The following THSD4 variants were observed in gnomAD, a reference collection of about 807,000 sequenced individuals.
THSD4 encodes the protein thrombospondin type-1 domain-containing protein 4.
A neutral mutation model predicts 119.0 loss-of-function variants in THSD4; 69 were observed. The ratio of observed to expected loss-of-function variants is 0.58; its 90% CI spans 0.48 to 0.71. THSD4 has a LOEUF of 0.71. Ranked by LOEUF, THSD4 falls within the 30% of genes least tolerant of loss-of-function variation. THSD4 has a pLI of 0.00. For missense variants in THSD4, 1,393 were observed against 1,391.1 expected (o/e 1.00, Z -0.02); for synonymous variants, 524 against 540.4 (o/e 0.97, Z 0.42).
intron 11 of THSD4, among the ~76,000 whole-genome samples, chr15:71,739,612 T>G (rs2053196285): frequency 1.3e-5 from 2 of 152,324 alleles, no homozygotes; most frequent in South Asian, 2.1e-4. Context: ...GATACACCTA[T>G]GAACTGTGTA....
At chr15:71,686,199 C>T (rs2051905661) in intron 8 of THSD4, among the ~76,000 whole-genome samples, 1 of 152,206 alleles carries the variant, frequency 6.6e-6, no homozygotes, top group Non-Finnish European at 1.5e-5. Context: ...CTTTCTTCAT[C>T]TTCCAAAACT....
intron 6 of THSD4, among the ~76,000 whole-genome samples, chr15:71,362,722 G>A (rs977657376): frequency 2.6e-5 from 4 of 152,020 alleles, no homozygotes; most frequent in Non-Finnish European, 5.9e-5. Flanking sequence ...AGTTACTGCC[G>A]ACAGTGAGTT....
chr15:71,567,048 G>A (rs1015517657), intron 7 of THSD4, among the ~76,000 whole-genome samples: 3 of 152,104 alleles, frequency 2.0e-5, no homozygotes, highest in Non-Finnish European at 4.4e-5. Context: ...GCCCAACTTC[G>A]CATAGCAACG....
At chr15:71,773,514 C>T (rs1001856553) in intron 17 of THSD4, among the ~76,000 whole-genome samples, 1 of 152,150 alleles carries the variant, frequency 6.6e-6, no homozygotes, top group Non-Finnish European at 1.5e-5. Context: ...TGTCTAACTT[C>T]TAATTATATA....
At chr15:71,353,019 G>C (rs1052305658) in intron 6 of THSD4, among the ~76,000 whole-genome samples, 1 of 152,164 alleles carries the variant, frequency 6.6e-6, no homozygotes, top group African/African-American at 2.4e-5. Flanking sequence ...GGCTATAAAG[G>C]CTTTCCAAGG....
At chr15:71,496,696 A>G (rs1052534577) in intron 7 of THSD4, among the ~76,000 whole-genome samples, 6 of 152,244 alleles carry the variant, frequency 3.9e-5, no homozygotes, top group Admixed American at 6.5e-5. Flanking sequence ...AACTATAGCC[A>G]TCTAACCAGG....
chr15:71,483,891 T>A (rs1454477074), intron 7 of THSD4, among the ~76,000 whole-genome samples: 3 of 152,158 alleles, frequency 2.0e-5, no homozygotes, highest in Non-Finnish European at 2.9e-5. Context: ...GATAATGGCC[T>A]CCAGCTCCAT....
chr15:71,300,555 C>T (rs2044934530), intron 6 of THSD4, among the ~76,000 whole-genome samples: 3 of 152,202 alleles, frequency 2.0e-5, no homozygotes, highest in South Asian at 4.1e-4. Context: ...TCACTTTTCT[C>T]ACTAAATTCC....
chr15:71,198,980 CT>C (rs1263126045), intron 3 of THSD4, among the ~76,000 whole-genome samples: 1 of 152,200 alleles, frequency 6.6e-6, no homozygotes, highest in Non-Finnish European at 1.5e-5. Context: ...AGAAGTTCTC[CT>C]AATAGTAGAT....
chr15:71,528,171 G>C (rs975776500), intron 7 of THSD4, among the ~76,000 whole-genome samples: 3 of 152,094 alleles, frequency 2.0e-5, no homozygotes, highest in Non-Finnish European at 4.4e-5. Context: ...AGTTGAAAAT[G>C]GGAGACAGCT....
Position 71,660,397 on chromosome 15 carries a change from C to T in THSD4, c.1153-133C>T, listed in dbSNP as rs138273737. 6.7e-5 allele frequency: 70 copies of T among 1,044,152 alleles called. No individual in the cohort carries two copies. The East Asian group carries it at 1.6e-3, about 24-fold the overall frequency. The allele number at this position is 1,044,152 out of a possible 1,614,324, so 64.7% of individuals were successfully genotyped here. The stretch of plus-strand genomic sequence containing the variant: ...CTTGTCTGGTTTACCGTCTGTGGCT[C>T]CCACCCCACTCCTAGAATATACATT... On this transcript the variant is annotated intron_variant, in intron 7 of 17. Coordinates refer to ENST00000261862, the MANE Select transcript of THSD4 (RefSeq NM_024817.3).
intron 6 of THSD4, among the ~76,000 whole-genome samples, chr15:71,366,159 T>G (rs1337154803): frequency 2.0e-5 from 3 of 152,100 alleles, no homozygotes; most frequent in African/African-American, 7.2e-5. Flanking sequence ...CTGCAAGCTC[T>G]GCCTCCCAGG....
chr15:71,566,164 T>G (rs2049234401), intron 7 of THSD4, among the ~76,000 whole-genome samples: 1 of 151,624 alleles, frequency 6.6e-6, no homozygotes, highest in African/African-American at 2.4e-5. Flanking sequence ...TTCTTTTTTT[T>G]TTTTTGCTGA....
intron 3 of THSD4, among the ~76,000 whole-genome samples, chr15:71,182,254 T>C (rs1407565581): frequency 6.6e-6 from 1 of 151,796 alleles, no homozygotes; most frequent in Non-Finnish European, 1.5e-5. Flanking sequence ...ACAATCTGAG[T>C]GTATAAATTC....
intron 4 of THSD4, among the ~76,000 whole-genome samples, chr15:71,223,630 G>A (rs1356538425): frequency 6.6e-6 from 1 of 152,204 alleles, no homozygotes; most frequent in African/African-American, 2.4e-5. Context: ...TTTGGGCCAG[G>A]CACTGTGCTA....
intron 7 of THSD4, among the ~76,000 whole-genome samples, chr15:71,413,873 G>C (rs1418561842): frequency 1.3e-5 from 2 of 152,316 alleles, no homozygotes; most frequent in African/African-American, 4.8e-5. Context: ...GGCATTCTCT[G>C]AGAGTTTTGT....
chr15:71,280,024 T>G (rs899779973), intron 6 of THSD4, among the ~76,000 whole-genome samples: 1 of 152,186 alleles, frequency 6.6e-6, no homozygotes, highest in Non-Finnish European at 1.5e-5. Context: ...GTATCAGTGT[T>G]GGACATTCCA....
chr15:71,358,206 G>A (rs955071952), intron 6 of THSD4, among the ~76,000 whole-genome samples: 3 of 152,162 alleles, frequency 2.0e-5, no homozygotes, highest in South Asian at 2.1e-4. Context: ...CCCAGGGTAC[G>A]GCATCGGCCT....
At chr15:71,532,275 AGAGAGAGAGTGTGT>A (rs1249056261) in intron 7 of THSD4, among the ~76,000 whole-genome samples, 22 of 123,092 alleles carry the variant, frequency 1.8e-4, no homozygotes, top group African/African-American at 6.6e-4. Context: ...AGAGAGAGAG[AGAGAGAGAGTGTGT>A]GTGTGTGTGT....
Sources: allele counts gnomAD v4.1 joint callset (sites outside exome capture counted in the v4.1 genomes callset), GRCh38; gene constraint gnomAD v4.1.1; transcripts MANE v1.5; gene names NCBI Gene and HGNC (gene_info 2026-07-23, HGNC 2026-07-21).